The following NBEAL1 variants were observed in gnomAD, a reference collection of about 807,000 sequenced individuals.
The protein encoded by NBEAL1 is neurobeachin like 1.
In NBEAL1, 273 loss-of-function variants were observed where a neutral mutation model predicts 351.3. That is an observed-to-expected ratio of 0.78 (90% CI 0.70 to 0.86). The LOEUF (loss-of-function observed/expected upper bound fraction) is 0.86. Ranked by LOEUF, NBEAL1 falls within the 40% of genes least tolerant of loss-of-function variation. The pLI is 0.00. For synonymous variants in NBEAL1, 1,050 were observed against 1,086.4 expected (o/e 0.97, Z 0.66); for missense variants, 2,961 against 3,201.3 (o/e 0.92, Z 1.81).
rs116619592 is a variant in NBEAL1 at position 203,096,746 on chromosome 2, C to T, written c.1099-801C>T. ...CAGATAAATTTTGGAAATGCTGCAC[C>T]GTGACCTCCCTTGTCAAAGTATCCA... On this transcript the variant is annotated intron_variant, in intron 10 of 55. Transcript: ENST00000683969. Among the ~76,000 whole-genome samples the T allele has an allele frequency of 3.5e-3, 528 of 152,168 alleles. 2 individuals are homozygous for T. The highest frequency in any genetic ancestry group is 6.4e-3 in the Non-Finnish European group (438 of 68,004).
At chr2:203,132,561 T>G (rs2063098359) in intron 26 of NBEAL1, among the ~76,000 whole-genome samples, 2 of 152,180 alleles carry the variant, frequency 1.3e-5, no homozygotes, top group African/African-American at 4.8e-5. Flanking sequence ...CAGTGGCTAG[T>G]GACAGGTGTG....
intron 10 of NBEAL1, chr2:203,086,235 T>G (rs1053114070): frequency 6.6e-6 from 1 of 152,232 alleles, no homozygotes; most frequent in South Asian, 2.1e-4. Context: ...ACTCATCTTC[T>G]TTTCTACCTT....
At chr2:203,203,771 T>C (rs1276648433) in intron 51 of NBEAL1, among the ~76,000 whole-genome samples, 5 of 152,128 alleles carry the variant, frequency 3.3e-5, no homozygotes, top group Non-Finnish European at 7.3e-5. Flanking sequence ...TTCTTGGTAA[T>C]TTATTTATCT....
chr2:203,050,395 T>C (rs1356919522), intron 4 of NBEAL1, among the ~76,000 whole-genome samples: 1 of 152,200 alleles, frequency 6.6e-6, no homozygotes, highest in African/African-American at 2.4e-5. Flanking sequence ...GGTTTGTTAG[T>C]ATGTTGGAAA....
chr2:203,080,934 C>G (rs2061860513), intron 8 of NBEAL1, among the ~76,000 whole-genome samples: 1 of 152,156 alleles, frequency 6.6e-6, no homozygotes. Flanking sequence ...ATCCTCTTCT[C>G]TTTTCGAAAA....
chr2:203,140,507 A>C (rs1575031718), intron 31 of NBEAL1, among the ~76,000 whole-genome samples: 1 of 151,864 alleles, frequency 6.6e-6, no homozygotes, highest in African/African-American at 2.4e-5. Context: ...CTGTGTTACT[A>C]ATAGGGTTTT....
intron 43 of NBEAL1, chr2:203,182,058 G>A (rs992126571): frequency 1.3e-5 from 2 of 152,096 alleles, no homozygotes; most frequent in African/African-American, 4.8e-5. Context: ...ATATCAATTA[G>A]AATGCCTTTA....
chr2:203,141,686 A>G (rs188611050), intron 31 of NBEAL1, among the ~76,000 whole-genome samples: 1 of 151,968 alleles, frequency 6.6e-6, no homozygotes, highest in East Asian at 1.9e-4. Context: ...CCTGGCCCAG[A>G]TGAGACTGAT....
At chr2:203,162,210 A>G (rs907084673) in intron 36 of NBEAL1, among the ~76,000 whole-genome samples, 10 of 151,094 alleles carry the variant, frequency 6.6e-5, no homozygotes, top group African/African-American at 2.4e-4. Context: ...TTTTTTGTAG[A>G]GATGGGTTTC....
intron 2 of NBEAL1, among the ~76,000 whole-genome samples, chr2:203,024,233 CAG>C (rs1003876789): frequency 1.3e-4 from 20 of 150,846 alleles, no homozygotes; most frequent in African/African-American, 4.9e-4. Flanking sequence ...AAAAAGTAGT[CAG>C]GGGTGTCAAA....
intron 18 of NBEAL1, among the ~76,000 whole-genome samples, chr2:203,120,860 C>T (rs1279243195): frequency 1.3e-5 from 2 of 152,066 alleles, no homozygotes; most frequent in Non-Finnish European, 2.9e-5. Context: ...TAGAGAAAGA[C>T]GTGTCTGTCT....
chr2:203,208,615 T>C lies in NBEAL1; in HGVS notation c.7507-22T>C, dbSNP rs780789909. 1.4e-5 allele frequency: 22 copies of C among 1,545,328 alleles called. 1 individual carries two copies. The South Asian group carries it at 2.5e-4, about 18-fold the overall frequency. ...GGAAACAAGAAACCACCTTTACCTT[T>C]GCTTTTCTCTTGTATTATTAGGGAG... On this transcript the variant is annotated intron_variant, in intron 51 of 55. Transcript: ENST00000683969.
In NBEAL1 at chr2:203,024,977, A is replaced by G. The variant is rs531862902; in HGVS notation, c.51+8542A>G. Reference sequence around the variant, plus strand: ...CAAGTCCTTATATTATTAATTTTTTATTATTAAATTCAACAGACTTAAAAT... The same window carrying G: ...CAAGTCCTTATATTATTAATTTTTTGTTATTAAATTCAACAGACTTAAAAT... On this transcript the variant is annotated intron_variant, in intron 2 of 55. Transcript: ENST00000683969. Among the ~76,000 whole-genome samples, 10 of 152,306 alleles carry G rather than the reference A, an allele frequency of 6.6e-5. No individual in the cohort carries two copies. In the East Asian group the frequency reaches 1.9e-3, roughly 29 times the overall value.
chr2:203,094,313 T>C (rs1363819697), intron 10 of NBEAL1, among the ~76,000 whole-genome samples: 3 of 152,204 alleles, frequency 2.0e-5, no homozygotes, highest in African/African-American at 7.2e-5. Context: ...TATATAAAAA[T>C]CTTTGAAATC....
At position 203,215,511 on chromosome 2, in the gene NBEAL1, AAACAACAAC is replaced by A. The variant is rs897114368; in HGVS notation, c.8071-1733_8071-1725del. ...TGACAGACCAAGACTCCATCTCAGA[AAACAACAAC>A]AACAACAAGAACAACAAATTAGCTG... On this transcript the variant is annotated intron_variant, in intron 55 of 55. Transcript: ENST00000683969. Among the ~76,000 whole-genome samples, 7 of 151,864 alleles carry A rather than the reference AAACAACAAC, an allele frequency of 4.6e-5. No homozygotes were observed. In the East Asian group the frequency reaches 1.4e-3, roughly 29 times the overall value.
intron 7 of NBEAL1, among the ~76,000 whole-genome samples, chr2:203,070,898 G>A (rs550217576): frequency 1.3e-5 from 2 of 152,256 alleles, no homozygotes; most frequent in South Asian, 2.1e-4. Flanking sequence ...TTCAGTGGGG[G>A]CATAGATCCA....
At chr2:203,195,802 G>A (rs2065224995) in intron 47 of NBEAL1, among the ~76,000 whole-genome samples, 1 of 152,116 alleles carries the variant, frequency 6.6e-6, no homozygotes, top group Admixed American at 6.6e-5. Context: ...AGTGCCCAAG[G>A]TTTTTATTGG....
At chr2:203,208,815 T>TA (rs2065687068) in intron 52 of NBEAL1, 62 bp downstream of exon 52, 1 of 1,296,640 alleles carries the variant, frequency 7.7e-7, no homozygotes, top group East Asian at 2.4e-5. Flanking sequence ...CCAACACTTA[T>TA]AACTAAAAAG....
At chr2:203,097,002 A>G (rs1159260358) in intron 10 of NBEAL1, among the ~76,000 whole-genome samples, 1 of 152,224 alleles carries the variant, frequency 6.6e-6, no homozygotes, top group East Asian at 1.9e-4. Flanking sequence ...AAGTTTAATG[A>G]ACTCACGGTT....
Sources: gnomAD v4.1 joint callset for allele counts (sites outside exome capture counted in the v4.1 genomes callset) on GRCh38, gnomAD v4.1.1 for gene constraint, MANE v1.5 for transcripts, NCBI Gene and HGNC (gene_info 2026-07-23, HGNC 2026-07-21) for gene names.